Variants in PLCL1 observed in about 807,000 individuals in gnomAD.
The protein encoded by PLCL1 is phospholipase C like 1 (inactive), also known as inactive phospholipase C-like protein 1.
In PLCL1, 41 loss-of-function variants were observed where a neutral mutation model predicts 84.4. The observed-to-expected ratio is 0.49, with a 90% CI of 0.38 to 0.63. PLCL1 has a LOEUF of 0.63. Among genes scored for constraint, PLCL1 ranks in the 30% least tolerant of loss-of-function variants. The probability of loss-of-function intolerance (pLI) is 0.00; values close to 1 mark genes in which losing one functional copy is unlikely to be tolerated. For missense variants in PLCL1, 1,206 were observed against 1,367.8 expected, an observed-to-expected ratio of 0.88 and a Z score of 1.87; for synonymous variants, 490 against 488.3, an observed-to-expected ratio of 1.00 and a Z score of -0.05.
At chr2:198,045,073 C>T (rs188279085) in intron 1 of PLCL1, among the ~76,000 whole-genome samples, 22 of 152,212 alleles carry the variant, frequency 1.4e-4, no homozygotes, top group Admixed American at 1.3e-3. Context: ...AGAAGATAAA[C>T]AATGTTTTAG....
At chr2:198,036,147 A>G (rs535372651) in intron 1 of PLCL1, among the ~76,000 whole-genome samples, 89 of 152,298 alleles carry the variant, frequency 5.8e-4, no homozygotes, top group African/African-American at 2.0e-3. Context: ...TTTTAATAAC[A>G]TAGATTTGTT....
chr2:198,141,658 C>T (rs1009490240), intron 5 of PLCL1, among the ~76,000 whole-genome samples: 3 of 152,118 alleles, frequency 2.0e-5, no homozygotes, highest in African/African-American at 7.2e-5. Flanking sequence ...TTGTGCACAG[C>T]CCTCCACAGT....
rs1311280331 is a variant in PLCL1, at chr2:198,036,112, G to C, written c.241-47646G>C. Among the ~76,000 whole-genome samples, 4 of 152,152 alleles carry C rather than the reference G, an allele frequency of 2.6e-5. No homozygotes were observed. The South Asian group carries it at 8.3e-4, about 32-fold the overall frequency. ...ACTACCATAGTAATGGTTGTTTGAGGCAAGAATCATCAATGAATTCTCTTT... is the reference window on the plus strand; with the variant it reads ...ACTACCATAGTAATGGTTGTTTGAGCCAAGAATCATCAATGAATTCTCTTT... On this transcript the variant is annotated intron_variant, in intron 1 of 5. Transcript: ENST00000428675.
intron 3 of PLCL1, among the ~76,000 whole-genome samples, chr2:198,098,014 A>AT (rs1693242740): frequency 6.6e-6 from 1 of 152,212 alleles, no homozygotes; most frequent in Admixed American, 6.5e-5. Flanking sequence ...GTTAGCAAAT[A>AT]TATATGTAAG....
At chr2:197,843,666 C>A (rs1687061309) in intron 1 of PLCL1, among the ~76,000 whole-genome samples, 1 of 152,068 alleles carries the variant, frequency 6.6e-6, no homozygotes, top group African/African-American at 2.4e-5. Context: ...AGTATCCATC[C>A]CAGGCTCTGC....
chr2:198,043,430 G>T (rs1405159947), intron 1 of PLCL1, among the ~76,000 whole-genome samples: 1 of 152,300 alleles, frequency 6.6e-6, no homozygotes, highest in East Asian at 1.9e-4. Context: ...TGTGTTAGGA[G>T]CTGGTCTAGT....
chr2:197,940,268 C>A (rs1689133137), intron 1 of PLCL1, among the ~76,000 whole-genome samples: 1 of 151,908 alleles, frequency 6.6e-6, no homozygotes, highest in African/African-American at 2.4e-5. Context: ...ACTTATAGTC[C>A]TTTTTTGCTT....
chr2:198,145,124 T>A (rs1694487662), intron 5 of PLCL1, among the ~76,000 whole-genome samples: 1 of 152,212 alleles, frequency 6.6e-6, no homozygotes, highest in Admixed American at 6.5e-5. Flanking sequence ...TATGTTGGTC[T>A]GTTATTATTA....
intron 1 of PLCL1, among the ~76,000 whole-genome samples, chr2:197,836,054 T>A (rs1691180840): frequency 6.6e-6 from 1 of 152,208 alleles, no homozygotes. Flanking sequence ...TGTTTTGCTA[T>A]ATCTATAGAA....
chr2:198,128,772 G>A (rs906325262), intron 5 of PLCL1, among the ~76,000 whole-genome samples: 3 of 152,158 alleles, frequency 2.0e-5, no homozygotes, highest in African/African-American at 7.2e-5. Context: ...TATTGTTCTT[G>A]TTTTAAACCA....
intron 1 of PLCL1, among the ~76,000 whole-genome samples, chr2:197,890,682 C>CTATATATATATATATA (rs1553500076): frequency 3.4e-5 from 4 of 116,188 alleles, no homozygotes; most frequent in Admixed American, 1.7e-4. Flanking sequence ...TATTTTTTTG[C>CTATATATATATATATA]TATATATATA....
chr2:197,920,676 C>T (rs1454404291), intron 1 of PLCL1, among the ~76,000 whole-genome samples: 1 of 152,140 alleles, frequency 6.6e-6, no homozygotes, highest in Admixed American at 6.5e-5. Context: ...TAAAAAGATA[C>T]ACCTGCTGTG....
At chr2:198,056,387 A>G (rs1692074903) in intron 1 of PLCL1, among the ~76,000 whole-genome samples, 1 of 152,146 alleles carries the variant, frequency 6.6e-6, no homozygotes, top group African/African-American at 2.4e-5. Flanking sequence ...ACAAAGTGGG[A>G]CTTTTCTGGT....
In PLCL1 at chr2:198,147,737, C is replaced by A. The variant is rs897639000; in HGVS notation, c.*775C>A. On this transcript the variant is annotated 3_prime_UTR_variant, in exon 6 of 6. Transcript: ENST00000428675. Reference sequence around the variant, plus strand: ...TACCTGTGTGGTACTCTGAAACACACTGAAAGCTCTGTTGCAATTAGGATT... The same window carrying A: ...TACCTGTGTGGTACTCTGAAACACAATGAAAGCTCTGTTGCAATTAGGATT... 2 of 152,266 alleles carry A rather than the reference C, an allele frequency of 1.3e-5. No homozygotes were observed. The highest frequency in any genetic ancestry group is 1.3e-4 in the Admixed American group (2 of 15,266). 9.4% of individuals were successfully genotyped at this position (152,266 alleles called of 1,614,324 possible). A position where few individuals can be genotyped will look rare whatever the true frequency, so the allele number is the denominator to read the frequency against.
chr2:197,976,699 G>T (rs1689989317), intron 1 of PLCL1, among the ~76,000 whole-genome samples: 1 of 152,096 alleles, frequency 6.6e-6, no homozygotes, highest in Non-Finnish European at 1.5e-5. Context: ...CACCCACCTT[G>T]GCCTCCCAAA....
At chr2:198,075,913 A>G (rs1217917286) in intron 1 of PLCL1, among the ~76,000 whole-genome samples, 1 of 152,240 alleles carries the variant, frequency 6.6e-6, no homozygotes. Context: ...GTAGGGGCTC[A>G]GTCAATCTTT....
chr2:198,136,248 G>A (rs1287223491), intron 5 of PLCL1, among the ~76,000 whole-genome samples: 2 of 152,020 alleles, frequency 1.3e-5, no homozygotes, highest in Non-Finnish European at 1.5e-5. Flanking sequence ...TCCATGTATG[G>A]CAGGCATTGT....
intron 1 of PLCL1, among the ~76,000 whole-genome samples, chr2:197,993,132 C>A (rs548595607): frequency 6.6e-6 from 1 of 152,242 alleles, no homozygotes; most frequent in African/African-American, 2.4e-5. Flanking sequence ...CCATGGGTTC[C>A]AATTTCTGCA....
In PLCL1 at chr2:198,054,701, G is replaced by A. The variant is rs554317714; in HGVS notation, c.241-29057G>A. Among the ~76,000 whole-genome samples, 72 of 152,304 alleles carry A rather than the reference G, an allele frequency of 4.7e-4. 1 individual carries two copies. Among genetic ancestry groups the A allele is most frequent in the Non-Finnish European group, 7.2e-4 (49 of 68,026 alleles). On this transcript the variant is annotated intron_variant, in intron 1 of 5. Coordinates refer to ENST00000428675, the MANE Select transcript of PLCL1 (RefSeq NM_006226.4). Reference sequence around the variant, plus strand: ...GGAGATAAAAATTGACTTCCAAATGGCCAGCAAAATTTCAGAGACATTTTT... The same window carrying A: ...GGAGATAAAAATTGACTTCCAAATGACCAGCAAAATTTCAGAGACATTTTT...
Sources: allele counts gnomAD v4.1 joint callset (sites outside exome capture counted in the v4.1 genomes callset), GRCh38; gene constraint gnomAD v4.1.1; transcripts MANE v1.5; gene names NCBI Gene and HGNC (gene_info 2026-07-23, HGNC 2026-07-21).